IGFBP5: variants seen among roughly 807,000 people sequenced by gnomAD.
The protein encoded by IGFBP5 is insulin-like growth factor-binding protein 5.
Under a neutral mutation model 28.0 loss-of-function variants are expected in IGFBP5, and 12 were observed. The ratio of observed to expected loss-of-function variants is 0.43; its 90% CI spans 0.27 to 0.69. IGFBP5 has a LOEUF of 0.69. Among genes scored for constraint, IGFBP5 ranks in the 30% least tolerant of loss-of-function variants. The probability of loss-of-function intolerance (pLI) is 0.20; values close to 1 mark genes in which losing one functional copy is unlikely to be tolerated. For synonymous variants in IGFBP5, 152 were observed against 150.2 expected, an observed-to-expected ratio of 1.01 and a Z score of -0.09; for missense variants, 344 against 381.6, an observed-to-expected ratio of 0.90 and a Z score of 0.82.
chr2:216,693,783 G>T (rs1196917024), intron 1 of IGFBP5, among the ~76,000 whole-genome samples: 1 of 152,004 alleles, frequency 6.6e-6, no homozygotes, highest in East Asian at 1.9e-4. Context: ...TCTACCACAG[G>T]CAATCATCTT....
chr2:216,683,005 G>T (rs1312059817), intron 1 of IGFBP5, among the ~76,000 whole-genome samples: 1 of 152,120 alleles, frequency 6.6e-6, no homozygotes, highest in African/African-American at 2.4e-5. Flanking sequence ...ACCAAGCCCG[G>T]CCTGGAAGTG....
chr2:216,678,105 G>A lies in IGFBP5; in HGVS notation c.687+7C>T. ...TCTGAGCCTGGAGCTCAGGGCAGGG[G>A]ACGTACCTGCTTTCTCTTGTAGAAT... is the stretch of plus-strand genomic sequence containing the variant. On this transcript the variant is annotated splice_region_variant and intron_variant, in intron 3 of 3. Transcript: ENST00000233813. The A allele has an allele frequency of 6.7e-7, 1 of 1,501,048 alleles. No homozygotes were observed. Among genetic ancestry groups the A allele is most frequent in the South Asian group, 1.4e-5 (1 of 73,818 alleles). 93.0% of individuals were successfully genotyped at this position (1,501,048 alleles called of 1,614,324 possible).
rs1485038055 is a variant in IGFBP5, at chr2:216,694,816, G to C, written c.-41C>G. 1 of 1,327,334 alleles carries C rather than the reference G, an allele frequency of 7.5e-7. No homozygotes were observed. The highest frequency in any genetic ancestry group is 9.7e-7 in the Non-Finnish European group (1 of 1,026,948). The allele number at this position is 1,327,334 out of a possible 1,614,324, so 82.2% of individuals were successfully genotyped here. On this transcript the variant is annotated 5_prime_UTR_variant, in exon 1 of 4. Transcript: ENST00000233813. The surrounding 1 kb of genome is among the most constrained non-coding windows in gnomAD (Gnocchi z 5.2). The stretch of plus-strand genomic sequence containing the variant: ...CCCTTTACCTCGGGGTGGGGCAGGA[G>C]AGCGAGAGTGCAGGGATAAAGGGGC...
At chr2:216,678,364 C>T in intron 2 of IGFBP5, 133 bp from the exon 3 acceptor site, 7 of 927,864 alleles carry the variant, frequency 7.5e-6, no homozygotes, top group Non-Finnish European at 1.1e-5. Flanking sequence ...TAATCATCTG[C>T]TACCAAAGAT....
At chr2:216,689,641 C>CG (rs1360115955) in intron 1 of IGFBP5, among the ~76,000 whole-genome samples, 1 of 152,230 alleles carries the variant, frequency 6.6e-6, no homozygotes, top group Admixed American at 6.5e-5. Flanking sequence ...GGAGCCCCTG[C>CG]GGGAAAGAGC....
At chr2:216,689,586 C>A (rs1421885094) in intron 1 of IGFBP5, among the ~76,000 whole-genome samples, 1 of 152,230 alleles carries the variant, frequency 6.6e-6, no homozygotes, top group Non-Finnish European at 1.5e-5. Flanking sequence ...CAGGCATGAG[C>A]CCCAGTGACT....
chr2:216,688,469 C>G (rs1020576351), intron 1 of IGFBP5, among the ~76,000 whole-genome samples: 3 of 151,376 alleles, frequency 2.0e-5, no homozygotes, highest in African/African-American at 7.3e-5. Flanking sequence ...TTTTTTTTAC[C>G]TTTTTAAAAA....
At position 216,677,277 on chromosome 2, in the gene IGFBP5, C is replaced by T. The variant is rs560710147; in HGVS notation, c.688-395G>A. ...TAAATATTACCCATTTGAGTTCCCCCAACGTGAAACTCTGCAGGGATTCTC... is the reference window on the plus strand; with the variant it reads ...TAAATATTACCCATTTGAGTTCCCCTAACGTGAAACTCTGCAGGGATTCTC... On this transcript the variant is annotated intron_variant, in intron 3 of 3. Transcript: ENST00000233813. 2.0e-5 allele frequency among the ~76,000 whole-genome samples: 3 copies of T among 152,168 alleles called. No individual in the cohort carries two copies. The South Asian group carries it at 6.2e-4, about 32-fold the overall frequency.
In IGFBP5 at chr2:216,694,356, C is replaced by T; in HGVS notation, c.337+83G>A. 7.9e-7 allele frequency: 1 copy of T among 1,271,694 alleles called. No individual in the cohort carries two copies. Among genetic ancestry groups the T allele is most frequent in the Non-Finnish European group, 1.0e-6 (1 of 959,162 alleles). 78.8% of individuals were successfully genotyped at this position (1,271,694 alleles called of 1,614,324 possible). A position where few individuals can be genotyped will look rare whatever the true frequency, so the allele number is the denominator to read the frequency against. ...CTGCACCCCAGCTCGAAGCCACTTG[C>T]TGCGCAAAGCGCGCGGGCCCAGCCG... is the stretch of plus-strand genomic sequence containing the variant. On this transcript the variant is annotated intron_variant, in intron 1 of 3. Coordinates refer to ENST00000233813, the MANE Select transcript of IGFBP5 (RefSeq NM_000599.4). This position sits in a 1 kb window ranked among gnomAD's most constrained non-coding sequence, Gnocchi z 5.2.
chr2:216,676,497 A>G lies in IGFBP5; in HGVS notation c.*254T>C, dbSNP rs1688899068. 6.9e-6 allele frequency: 2 copies of G among 290,678 alleles called. No individual in the cohort carries two copies. The highest frequency in any genetic ancestry group is 1.3e-5 in the Non-Finnish European group (2 of 153,870). The allele number at this position is 290,678 out of a possible 1,614,324, so 18.0% of individuals were successfully genotyped here. On this transcript the variant is annotated 3_prime_UTR_variant, in exon 4 of 4. Transcript: ENST00000233813. ...TCTTCCTCTCTTCCCTTCTCTGTTC[A>G]TCCAACTTGCCTCAAAAAGAAAACC...
At chr2:216,681,421 G>A (rs1288899024) in intron 1 of IGFBP5, among the ~76,000 whole-genome samples, 2 of 152,274 alleles carry the variant, frequency 1.3e-5, no homozygotes, top group East Asian at 3.9e-4. Flanking sequence ...GCTGGCTGCT[G>A]ACCAGCGCAT....
At position 216,674,002 on chromosome 2, in the gene IGFBP5, C is replaced by T. The variant is rs1227021307; in HGVS notation, c.*2749G>A. On this transcript the variant is annotated 3_prime_UTR_variant, in exon 4 of 4. Coordinates refer to ENST00000233813, the MANE Select transcript of IGFBP5 (RefSeq NM_000599.4). The surrounding 1 kb of genome is among the most constrained non-coding windows in gnomAD (Gnocchi z 4.4). ...CTTACACCAGGCTCTAATCCCCCAC[C>T]TGATGGCTGGCAGCAAAGAGCCAAC... The T allele has an allele frequency of 1.3e-5, 2 of 152,730 alleles. No homozygotes were observed. Among genetic ancestry groups the T allele is most frequent in the Non-Finnish European group, 2.9e-5 (2 of 68,072 alleles). The allele number at this position is 152,730 out of a possible 1,614,324, so 9.5% of individuals were successfully genotyped here. A position where few individuals can be genotyped will look rare whatever the true frequency, so the allele number is the denominator to read the frequency against.
intron 1 of IGFBP5, among the ~76,000 whole-genome samples, chr2:216,693,821 G>A (rs1574584548): frequency 6.6e-6 from 1 of 152,218 alleles, no homozygotes; most frequent in Non-Finnish European, 1.5e-5. Context: ...TATGCACATG[G>A]GAGGGGCTTC....
At chr2:216,683,005 G>A (rs1312059817) in intron 1 of IGFBP5, among the ~76,000 whole-genome samples, 2 of 152,122 alleles carry the variant, frequency 1.3e-5, no homozygotes, top group Non-Finnish European at 2.9e-5. Context: ...ACCAAGCCCG[G>A]CCTGGAAGTG....
rs1396664819 is a variant in IGFBP5 at position 216,672,335 on chromosome 2, T to C, written c.*4416A>G. Reference sequence around the variant, plus strand: ...TTTTTTTTTCGGCTTTTTTTTTTTTTTCTCACAAACTGGTTGCATTTGTTG... The same window carrying C: ...TTTTTTTTTCGGCTTTTTTTTTTTTCTCTCACAAACTGGTTGCATTTGTTG... On this transcript the variant is annotated 3_prime_UTR_variant, in exon 4 of 4. Coordinates refer to ENST00000233813, the MANE Select transcript of IGFBP5 (RefSeq NM_000599.4). 1 of 151,138 alleles carries C rather than the reference T, an allele frequency of 6.6e-6. No individual in the cohort carries two copies. The highest frequency in any genetic ancestry group is 2.4e-5 in the African/African-American group (1 of 41,186). The allele number at this position is 151,138 out of a possible 1,614,324, so 9.4% of individuals were successfully genotyped here.
Position 216,673,583 on chromosome 2 carries a change from G to A in IGFBP5, c.*3168C>T, listed in dbSNP as rs866046995. 1.3e-5 allele frequency: 2 copies of A among 152,442 alleles called. No individual in the cohort carries two copies. The highest frequency in any genetic ancestry group is 2.9e-5 in the Non-Finnish European group (2 of 68,134). 9.4% of individuals were successfully genotyped at this position (152,442 alleles called of 1,614,324 possible). Reference sequence around the variant, plus strand: ...GGATGGGAAGACCTTCTGTGGGTGTGAGCATGGGAGTGGGCAGCACTTAGA... The same window carrying A: ...GGATGGGAAGACCTTCTGTGGGTGTAAGCATGGGAGTGGGCAGCACTTAGA... On this transcript the variant is annotated 3_prime_UTR_variant, in exon 4 of 4. Coordinates refer to ENST00000233813, the MANE Select transcript of IGFBP5 (RefSeq NM_000599.4). This position sits in a 1 kb window ranked among gnomAD's most constrained non-coding sequence, Gnocchi z 4.3.
At chr2:216,684,082 C>G (rs1332596429) in intron 1 of IGFBP5, among the ~76,000 whole-genome samples, 2 of 152,228 alleles carry the variant, frequency 1.3e-5, no homozygotes, top group East Asian at 3.8e-4. Context: ...TGTCATGATG[C>G]AAGCCCAGCT....
At chr2:216,677,214 CAGGCGTG>C (rs1433135782) in intron 3 of IGFBP5, among the ~76,000 whole-genome samples, 1 of 152,004 alleles carries the variant, frequency 6.6e-6, no homozygotes, top group African/African-American at 2.4e-5. Context: ...GCTGGGATTA[CAGGCGTG>C]AGCCACTGTG....
rs1228107504 is a variant in IGFBP5 at position 216,679,059 on chromosome 2, C to T, written c.358G>A (p.Glu120Lys). ...GCCATCTCAGAGGTGGTGGGCTCCT[C>T]GTGCTCACGGGAGTCTCTCTCTGCA... ...VKIERDSREH[E>K]EPTTSEMAEE... is the part of the protein sequence containing the mutation. The change falls in exon 2 of 4, where the codon GAG becomes AAG. Residue 120 changes from glutamate (E) to lysine (K), a missense_variant. By Grantham distance (56) the Glu-to-Lys change is moderately conservative. This residue lies in a region of IGFBP5 where 304 missense variants were observed against 329.2 expected (regional missense o/e 0.92). Transcript: ENST00000233813. This position sits in a 1 kb window ranked among gnomAD's most constrained non-coding sequence, Gnocchi z 4.6. 4.3e-6 allele frequency: 7 copies of T among 1,614,152 alleles called. No individual in the cohort carries two copies. Among genetic ancestry groups the T allele is most frequent in the South Asian group, 1.1e-5 (1 of 91,076 alleles).
Sources: allele counts gnomAD v4.1 joint callset (sites outside exome capture counted in the v4.1 genomes callset), GRCh38; gene constraint gnomAD v4.1.1; regional missense constraint gnomAD v4.1.1; non-coding constraint Gnocchi (gnomAD v3.1); transcripts MANE v1.5; gene names NCBI Gene and HGNC (gene_info 2026-07-23, HGNC 2026-07-21).